Variants in PRKCB observed in about 807,000 individuals in gnomAD.
The protein encoded by PRKCB is protein kinase C beta.
In PRKCB, 13 loss-of-function variants were observed where a neutral mutation model predicts 81.5. That is an observed-to-expected ratio of 0.16 (90% CI 0.10 to 0.25). PRKCB has a LOEUF of 0.25. Ranked by LOEUF, PRKCB falls within the 10% of genes least tolerant of loss-of-function variation. The pLI is 1.00. For missense variants in PRKCB, 509 were observed against 875.7 expected, an observed-to-expected ratio of 0.58 and a Z score of 5.29; for synonymous variants, 335 against 321.4, an observed-to-expected ratio of 1.04 and a Z score of -0.45.
At position 23,836,271 on chromosome 16, in the gene PRKCB, T is replaced by G. The variant is rs1401988911; in HGVS notation, c.96T>G (p.His32Gln). ...GCGCCCTCCGGCAGAAGAACGTGCA[T>G]GAGGTCAAGAACCACAAATTCACCG... is the stretch of plus-strand genomic sequence containing the variant. ...RKGALRQKNVHEVKNHKFTAR... is the reference protein window; with the variant it reads ...RKGALRQKNVQEVKNHKFTAR... The change falls in exon 1 of 17, where the codon CAT (histidine) becomes CAG (glutamine). Residue 32 changes from histidine to glutamine, a missense_variant. Coordinates refer to ENST00000643927, the MANE Select transcript of PRKCB (RefSeq NM_002738.7). The G allele has an allele frequency of 1.6e-5, 26 of 1,604,436 alleles. No individual in the cohort carries two copies. The highest frequency in any genetic ancestry group is 2.2e-5 in the Non-Finnish European group (26 of 1,175,806).
chr16:24,096,504 C>T (rs1439907418), intron 7 of PRKCB, among the ~76,000 whole-genome samples: 1 of 151,636 alleles, frequency 6.6e-6, no homozygotes, highest in African/African-American at 2.4e-5. Context: ...GAGCAACCCA[C>T]TGTCAGATGG....
At position 23,989,187 on chromosome 16, in the gene PRKCB, G is replaced by T. The variant is rs377585268; in HGVS notation, c.288+597G>T. Among the ~76,000 whole-genome samples the T allele has an allele frequency of 2.0e-5, 3 of 152,218 alleles. No individual in the cohort carries two copies. The South Asian group carries it at 6.2e-4, about 32-fold the overall frequency. ...TCACCGTGTTAGACAGGATGGTCTC[G>T]ATCTCCTGACCTCGTGATCCGCCGC... On this transcript the variant is annotated intron_variant, in intron 3 of 16. Coordinates refer to ENST00000643927, the MANE Select transcript of PRKCB (RefSeq NM_002738.7).
At chr16:23,954,130 G>A (rs1964320082) in intron 2 of PRKCB, among the ~76,000 whole-genome samples, 1 of 152,088 alleles carries the variant, frequency 6.6e-6, no homozygotes, top group Non-Finnish European at 1.5e-5. Context: ...GTGCCATGTA[G>A]TAGAGACGGG....
chr16:24,159,913 A>G (rs371574081), intron 10 of PRKCB, among the ~76,000 whole-genome samples: 1 of 152,106 alleles, frequency 6.6e-6, no homozygotes, highest in Admixed American at 6.6e-5. Flanking sequence ...TGAGCCTGGG[A>G]GGTCAAGGCT....
chr16:24,135,309 C>G (rs1276888787), intron 9 of PRKCB, among the ~76,000 whole-genome samples: 1 of 92,030 alleles, frequency 1.1e-5, no homozygotes, highest in African/African-American at 4.7e-5. Context: ...CCTCAGTGTC[C>G]CTTTTTTTTT....
At chr16:24,171,183 C>A (rs1055629077) in intron 10 of PRKCB, among the ~76,000 whole-genome samples, 1 of 152,178 alleles carries the variant, frequency 6.6e-6, no homozygotes, top group Non-Finnish European at 1.5e-5. Context: ...TCAAAGGAAG[C>A]TGCACTCAGA....
chr16:24,070,203 C>T (rs900623340), intron 5 of PRKCB, among the ~76,000 whole-genome samples: 7 of 148,684 alleles, frequency 4.7e-5, no homozygotes, highest in Admixed American at 4.7e-4. Context: ...GGCTGGAGTG[C>T]AGTGGCACGA....
intron 9 of PRKCB, among the ~76,000 whole-genome samples, chr16:24,143,177 G>A (rs1352733631): frequency 6.6e-6 from 1 of 152,034 alleles, no homozygotes; most frequent in Non-Finnish European, 1.5e-5. Flanking sequence ...CTGTCATCCA[G>A]TCTGGTGTGC....
intron 5 of PRKCB, among the ~76,000 whole-genome samples, chr16:24,066,548 C>A (rs1966036765): frequency 6.6e-6 from 1 of 152,140 alleles, no homozygotes; most frequent in South Asian, 2.1e-4. Flanking sequence ...ATGACCATGA[C>A]ACATCCGTCA....
At position 24,017,902 on chromosome 16, in the gene PRKCB, T is replaced by C. The variant is rs796612483; in HGVS notation, c.289-14234T>C. On this transcript the variant is annotated intron_variant, in intron 3 of 16. Transcript: ENST00000643927. ...GCGCCACCATAACTAATTTTTTTTT[T>C]TTTTTTTTTTTTTTTAGACAGAGTC... Among the ~76,000 whole-genome samples the C allele has an allele frequency of 2.1e-3, 302 of 145,434 alleles. 1 individual carries two copies. The highest frequency in any genetic ancestry group is 7.0e-3 in the African/African-American group (278 of 39,454).
intron 2 of PRKCB, among the ~76,000 whole-genome samples, chr16:23,903,663 T>G (rs1017935940): frequency 3.3e-5 from 5 of 152,128 alleles, no homozygotes; most frequent in African/African-American, 1.2e-4. Flanking sequence ...AGTGGAATTG[T>G]TCTTGGAGAT....
intron 5 of PRKCB, among the ~76,000 whole-genome samples, chr16:24,062,632 C>T (rs572335866): frequency 5.3e-5 from 8 of 152,200 alleles, no homozygotes; most frequent in African/African-American, 1.9e-4. Context: ...CGCAGCAAGC[C>T]CAGAACACAC....
rs547221582 is a variant in PRKCB, at chr16:24,000,928, T to G, written c.288+12338T>G. The stretch of plus-strand genomic sequence containing the variant: ...TCCAATGACCTTGGGAAAATAACTT[T>G]AAGTTCTGTGACCCTCAGTTTATGT... On this transcript the variant is annotated intron_variant, in intron 3 of 16. Coordinates refer to ENST00000643927, the MANE Select transcript of PRKCB (RefSeq NM_002738.7). Among the ~76,000 whole-genome samples, 13 of 152,266 alleles carry G rather than the reference T, an allele frequency of 8.5e-5. No homozygotes were observed. The South Asian group carries it at 2.7e-3, about 32-fold the overall frequency.
intron 9 of PRKCB, among the ~76,000 whole-genome samples, chr16:24,136,817 C>G (rs1217869868): frequency 1.3e-5 from 2 of 152,174 alleles, no homozygotes; most frequent in Admixed American, 6.5e-5. Flanking sequence ...GTCTGGCACA[C>G]AGGCCAAAGT....
At chr16:24,034,052 G>A (rs907967049) in intron 4 of PRKCB, among the ~76,000 whole-genome samples, 2 of 152,266 alleles carry the variant, frequency 1.3e-5, no homozygotes, top group Middle Eastern at 3.4e-3. Context: ...ATGCAGCAAC[G>A]TGGAAACAGA....
chr16:24,088,196 T>C (rs1031638918), intron 5 of PRKCB, among the ~76,000 whole-genome samples: 1 of 152,224 alleles, frequency 6.6e-6, no homozygotes, highest in Non-Finnish European at 1.5e-5. Flanking sequence ...GATCTTAGCC[T>C]GCAGCTACTG....
At chr16:23,934,951 G>A (rs923816916) in intron 2 of PRKCB, among the ~76,000 whole-genome samples, 11 of 152,176 alleles carry the variant, frequency 7.2e-5, no homozygotes, top group African/African-American at 1.4e-4. Flanking sequence ...TTCTCTGAAC[G>A]TGGCCTTTGC....
intron 5 of PRKCB, among the ~76,000 whole-genome samples, chr16:24,054,868 A>C (rs747076340): frequency 3.3e-5 from 5 of 152,206 alleles, no homozygotes; most frequent in South Asian, 2.1e-4. Context: ...TTAGTTGGTC[A>C]TCCATCCCAG....
At chr16:24,078,450 A>G (rs12921419) in intron 5 of PRKCB, among the ~76,000 whole-genome samples, 2,167 of 152,332 alleles carry the variant, frequency 0.014, 29 homozygotes, top group African/African-American at 0.037. Flanking sequence ...AACTTATTGG[A>G]TGCCTGACTC....
Sources: allele counts gnomAD v4.1 joint callset (sites outside exome capture counted in the v4.1 genomes callset), GRCh38; gene constraint gnomAD v4.1.1; transcripts MANE v1.5; gene names NCBI Gene and HGNC (gene_info 2026-07-23, HGNC 2026-07-21).